Variants in CSGALNACT1 observed in about 807,000 individuals in gnomAD.
CSGALNACT1 encodes the protein beta4GalNAcT-1.
Under a neutral mutation model 51.0 loss-of-function variants are expected in CSGALNACT1, and 52 were observed. The observed-to-expected ratio is 1.02, with a 90% CI of 0.82 to 1.29. CSGALNACT1 has a LOEUF of 1.29. Among genes scored for constraint, CSGALNACT1 ranks in the 50% most tolerant of loss-of-function variants. The pLI, the probability that CSGALNACT1 is intolerant of heterozygous loss-of-function variation, is 0.00. For synonymous variants in CSGALNACT1, 341 were observed against 254.4 expected, an observed-to-expected ratio of 1.34 and a Z score of -3.24; for missense variants, 935 against 679.2, an observed-to-expected ratio of 1.38 and a Z score of -4.19.
At position 19,458,662 on chromosome 8, in the gene CSGALNACT1, G is replaced by C. The variant is rs1040405443; in HGVS notation, c.635-20C>G. On this transcript the variant is annotated intron_variant, in intron 4 of 9. Coordinates refer to ENST00000454498, the Ensembl canonical transcript of CSGALNACT1. ...AGATCCCTGTTAAGAGAAAAACAAG[G>C]AAAGATAGTTCTAAAAATTAACCTT... The C allele has an allele frequency of 6.2e-7, 1 of 1,610,296 alleles. No individual in the cohort carries two copies. The highest frequency in any genetic ancestry group is 1.3e-5 in the African/African-American group (1 of 74,924).
intron 3 of CSGALNACT1, among the ~76,000 whole-genome samples, chr8:19,530,759 T>C (rs1587912783): frequency 6.6e-6 from 1 of 152,276 alleles, no homozygotes; most frequent in East Asian, 1.9e-4. Context: ...AAAAAGTTGA[T>C]TGTCCATGAA....
At chr8:19,682,221 C>T (rs6985674) in intron 1 of CSGALNACT1, among the ~76,000 whole-genome samples, 36,424 of 151,920 alleles carry the variant, frequency 0.24, 4,524 homozygotes, top group Admixed American at 0.3. Context: ...GGAATGTGAG[C>T]CTCTGTTTGT....
At chr8:19,472,561 G>A (rs759196054) in intron 4 of CSGALNACT1, among the ~76,000 whole-genome samples, 5 of 152,188 alleles carry the variant, frequency 3.3e-5, no homozygotes, top group African/African-American at 1.2e-4. Flanking sequence ...ACCAATTCAA[G>A]GTTGCAAATG....
At chr8:19,633,515 T>G (rs999513127) in intron 1 of CSGALNACT1, among the ~76,000 whole-genome samples, 4 of 152,104 alleles carry the variant, frequency 2.6e-5, no homozygotes, top group African/African-American at 9.7e-5. Context: ...GGTCCTTAAT[T>G]CCATATGGCT....
intron 1 of CSGALNACT1, among the ~76,000 whole-genome samples, chr8:19,741,562 A>ATG (rs1563195148): frequency 1.5e-5 from 2 of 131,832 alleles, no homozygotes; most frequent in Admixed American, 7.1e-5. Flanking sequence ...GACTCCATCA[A>ATG]AAAAAAAAAA....
intron 4 of CSGALNACT1, among the ~76,000 whole-genome samples, chr8:19,477,166 A>G (rs2069927147): frequency 6.6e-6 from 1 of 152,230 alleles, no homozygotes; most frequent in Non-Finnish European, 1.5e-5. Context: ...TCAAGAGCAG[A>G]TGCCACCATT....
In CSGALNACT1 at chr8:19,724,846, G is replaced by C. The variant is rs151080153; in HGVS notation, c.-297+33004C>G. Among the ~76,000 whole-genome samples, 262 of 152,318 alleles carry C rather than the reference G, an allele frequency of 1.7e-3. 1 individual carries two copies. The highest frequency in any genetic ancestry group is 6.1e-3 in the African/African-American group (252 of 41,566). Reference sequence around the variant, plus strand: ...CATGTGTCATGACCTTTCAGGGAGAGTGGAGTGGGAAACACAGAGTGCCAC... The same window carrying C: ...CATGTGTCATGACCTTTCAGGGAGACTGGAGTGGGAAACACAGAGTGCCAC... On this transcript the variant is annotated intron_variant, in intron 1 of 1. Transcript: ENST00000517494.
At chr8:19,445,619 G>A (rs541658373) in intron 5 of CSGALNACT1, among the ~76,000 whole-genome samples, 33 of 152,292 alleles carry the variant, frequency 2.2e-4, no homozygotes, top group African/African-American at 7.5e-4. Flanking sequence ...TCTACCAGTG[G>A]ATCTTAAGAA....
At chr8:19,659,598 G>A (rs1261093240) in intron 1 of CSGALNACT1, among the ~76,000 whole-genome samples, 1 of 152,186 alleles carries the variant, frequency 6.6e-6, no homozygotes, top group Non-Finnish European at 1.5e-5. Context: ...GATCACATAA[G>A]TTACCACGAA....
intron 1 of CSGALNACT1, among the ~76,000 whole-genome samples, chr8:19,737,588 A>C (rs1287902404): frequency 6.6e-6 from 1 of 152,090 alleles, no homozygotes; most frequent in Non-Finnish European, 1.5e-5. Flanking sequence ...GTAGAAGAAA[A>C]AAATTGGAAA....
chr8:19,606,107 C>G (rs1371430451), upstream of CSGALNACT1, among the ~76,000 whole-genome samples: 1 of 152,078 alleles, frequency 6.6e-6, no homozygotes, highest in Non-Finnish European at 1.5e-5. Context: ...CACTGATTCT[C>G]AAAATGTGAA....
chr8:19,495,822 G>A (rs1236116718), intron 4 of CSGALNACT1, among the ~76,000 whole-genome samples: 1 of 152,210 alleles, frequency 6.6e-6, no homozygotes, highest in Non-Finnish European at 1.5e-5. Context: ...TTCAGCCAGT[G>A]CTGTGTCTCC....
rs2153833788 is a variant in CSGALNACT1 at position 19,465,529 on chromosome 8, C to T, written c.635-6887G>A. 1.3e-5 allele frequency among the ~76,000 whole-genome samples: 2 copies of T among 152,314 alleles called. 1 individual carries two copies. On this transcript the variant is annotated intron_variant, in intron 4 of 9. Coordinates refer to ENST00000454498, the Ensembl canonical transcript of CSGALNACT1. Reference sequence around the variant, plus strand: ...ACGTATTGACCACCATAACTGCTGTCCTCTGAAAAAGTCTAGCAGTTTCTC... The same window carrying T: ...ACGTATTGACCACCATAACTGCTGTTCTCTGAAAAAGTCTAGCAGTTTCTC...
intron 1 of CSGALNACT1, among the ~76,000 whole-genome samples, chr8:19,659,330 T>C (rs1390565614): frequency 6.6e-6 from 1 of 152,222 alleles, no homozygotes; most frequent in African/African-American, 2.4e-5. Context: ...AACACTTTCT[T>C]CATCCCAACT....
At chr8:19,598,578 T>C (rs1005006262) in intron 2 of CSGALNACT1, among the ~76,000 whole-genome samples, 2 of 152,188 alleles carry the variant, frequency 1.3e-5, no homozygotes, top group Non-Finnish European at 2.9e-5. Flanking sequence ...CCAAAAATGA[T>C]TGCGTCAGCT....
intron 5 of CSGALNACT1, among the ~76,000 whole-genome samples, chr8:19,453,405 G>C (rs896876953): frequency 3.9e-5 from 6 of 152,020 alleles, no homozygotes; most frequent in African/African-American, 1.2e-4. Context: ...ACACAATAAA[G>C]GTTTAAGTAA....
intron 1 of CSGALNACT1, among the ~76,000 whole-genome samples, chr8:19,633,666 G>C (rs371776873): frequency 6.6e-6 from 1 of 152,158 alleles, no homozygotes; most frequent in Non-Finnish European, 1.5e-5. Context: ...AGGGAGAATT[G>C]CCCTCCAGAC....
At chr8:19,484,003 G>A (rs2072195964) in intron 4 of CSGALNACT1, among the ~76,000 whole-genome samples, 1 of 152,114 alleles carries the variant, frequency 6.6e-6, no homozygotes, top group African/African-American at 2.4e-5. Context: ...TCCTGTCCAG[G>A]ATGTGAATCA....
intron 1 of CSGALNACT1, among the ~76,000 whole-genome samples, chr8:19,660,123 C>A (rs117878470): frequency 0.014 from 2,168 of 152,330 alleles, 16 homozygotes; most frequent in Non-Finnish European, 0.022. Context: ...AATGGTCAAT[C>A]TGTGGGGCTT....
Sources: gnomAD v4.1 joint callset for allele counts (sites outside exome capture counted in the v4.1 genomes callset) on GRCh38, gnomAD v4.1.1 for gene constraint, MANE v1.5 for transcripts, NCBI Gene and HGNC (gene_info 2026-07-23, HGNC 2026-07-21) for gene names.